Variants in PPP2R2B observed in about 807,000 individuals in gnomAD.
PPP2R2B encodes the protein protein phosphatase 2 regulatory subunit Bbeta.
In PPP2R2B, 5 loss-of-function variants were observed where a neutral mutation model predicts 46.0. The observed-to-expected ratio is 0.11, with a 90% CI of 0.06 to 0.23. The LOEUF (loss-of-function observed/expected upper bound fraction) is 0.23. PPP2R2B is among the 10% of genes least tolerant of loss of function. The pLI is 1.00. For synonymous variants in PPP2R2B, 215 were observed against 206.7 expected, an observed-to-expected ratio of 1.04 and a Z score of -0.34; for missense variants, 367 against 575.0, an observed-to-expected ratio of 0.64 and a Z score of 3.70.
intron 7 of PPP2R2B, among the ~76,000 whole-genome samples, chr5:146,627,832 T>G (rs1047837235): frequency 6.6e-6 from 1 of 152,180 alleles, no homozygotes; most frequent in Non-Finnish European, 1.5e-5. Flanking sequence ...CACCCACCTT[T>G]GGAGGACAAT....
chr5:146,652,186 A>G (rs953361532), intron 5 of PPP2R2B, among the ~76,000 whole-genome samples: 2 of 152,206 alleles, frequency 1.3e-5, no homozygotes, highest in Admixed American at 6.5e-5. Flanking sequence ...CCACTAACCA[A>G]TAGGCTATGA....
intron 1 of PPP2R2B, among the ~76,000 whole-genome samples, chr5:147,001,108 G>A (rs1441571661): frequency 1.3e-5 from 2 of 152,136 alleles, no homozygotes; most frequent in Non-Finnish European, 2.9e-5. Context: ...AGACCAATCA[G>A]CACTCTGTAA....
chr5:146,619,325 CA>C (rs1773482772), intron 7 of PPP2R2B, among the ~76,000 whole-genome samples: 2 of 139,612 alleles, frequency 1.4e-5, no homozygotes, highest in African/African-American at 2.8e-5. Flanking sequence ...AAAAAAAATA[CA>C]AACATTAGCT....
At chr5:146,808,891 A>G (rs1757352913) in intron 2 of PPP2R2B, among the ~76,000 whole-genome samples, 1 of 151,960 alleles carries the variant, frequency 6.6e-6, no homozygotes, top group Non-Finnish European at 1.5e-5. Flanking sequence ...GCAGGTTTCT[A>G]ATACCATTTT....
At chr5:147,055,900 G>A in exon 1 of PPP2R2B, 5 of 1,439,358 alleles carry the variant, frequency 3.5e-6, no homozygotes, top group South Asian at 1.5e-5. Context: ...CTGGAGATGG[G>A]TCCCATTTTG....
chr5:146,816,315 AC>A (rs1212163171), intron 2 of PPP2R2B, among the ~76,000 whole-genome samples: 5 of 152,080 alleles, frequency 3.3e-5, no homozygotes, highest in Non-Finnish European at 7.4e-5. Context: ...TAGGAGGATG[AC>A]TTGAGCCCAG....
chr5:146,942,979 A>G (rs1342097795), intron 1 of PPP2R2B, among the ~76,000 whole-genome samples: 2 of 151,988 alleles, frequency 1.3e-5, no homozygotes, highest in African/African-American at 4.8e-5. Context: ...TTTTGTACTT[A>G]GTAGAGACAG....
At chr5:146,983,740 A>C (rs996794316) in intron 1 of PPP2R2B, among the ~76,000 whole-genome samples, 7 of 152,140 alleles carry the variant, frequency 4.6e-5, no homozygotes, top group African/African-American at 1.4e-4. Flanking sequence ...ACACAACAGA[A>C]AAAAGAAAAT....
chr5:146,748,616 G>A (rs1169595240), intron 2 of PPP2R2B, among the ~76,000 whole-genome samples: 1 of 152,178 alleles, frequency 6.6e-6, no homozygotes, highest in Non-Finnish European at 1.5e-5. Context: ...TTAAGAAGAG[G>A]TACATCCAGT....
chr5:147,019,381 G>T (rs1755154973), intron 1 of PPP2R2B, among the ~76,000 whole-genome samples: 1 of 152,238 alleles, frequency 6.6e-6, no homozygotes, highest in Non-Finnish European at 1.5e-5. Flanking sequence ...CAAAACAGAA[G>T]AAAGTTAATA....
In PPP2R2B at chr5:146,592,960, G is replaced by T; in HGVS notation, c.1052+11C>A. Reference sequence around the variant, plus strand: ...CTTTGGAAGGTTCTTCAGCCACAGAGCCTTTCTTACCTGTCTGACCCATTC... The same window carrying T: ...CTTTGGAAGGTTCTTCAGCCACAGATCCTTTCTTACCTGTCTGACCCATTC... On this transcript the variant is annotated intron_variant, in intron 9 of 9. Coordinates refer to ENST00000394411, the MANE Select transcript of PPP2R2B (RefSeq NM_181675.4). 1 of 1,595,214 alleles carries T rather than the reference G, an allele frequency of 6.3e-7. No individual in the cohort carries two copies. The highest frequency in any genetic ancestry group is 8.6e-7 in the Non-Finnish European group (1 of 1,162,870).
At chr5:146,860,284 T>C (rs1760907490) in intron 2 of PPP2R2B, among the ~76,000 whole-genome samples, 1 of 152,204 alleles carries the variant, frequency 6.6e-6, no homozygotes, top group Admixed American at 6.5e-5. Flanking sequence ...TCTTTCAAGT[T>C]GCTAGTTGTG....
chr5:146,981,017 A>G (rs1444391685), intron 1 of PPP2R2B, among the ~76,000 whole-genome samples: 1 of 152,168 alleles, frequency 6.6e-6, no homozygotes, highest in Non-Finnish European at 1.5e-5. Flanking sequence ...TCTAGAAAGG[A>G]CTCAGTGAAA....
intron 1 of PPP2R2B, among the ~76,000 whole-genome samples, chr5:147,006,127 C>A (rs188558583): frequency 2.0e-5 from 3 of 152,106 alleles, no homozygotes; most frequent in Non-Finnish European, 4.4e-5. Context: ...CAGGATAGGA[C>A]GATGGATGGT....
intron 1 of PPP2R2B, among the ~76,000 whole-genome samples, chr5:146,910,242 A>G (rs567527754): frequency 1.7e-4 from 26 of 152,324 alleles, no homozygotes; most frequent in Admixed American, 5.2e-4. Context: ...GTTCATTTAG[A>G]ATTTCAAAAA....
At chr5:147,022,237 C>A (rs756083581) in intron 1 of PPP2R2B, among the ~76,000 whole-genome samples, 11 of 151,776 alleles carry the variant, frequency 7.2e-5, no homozygotes, top group African/African-American at 1.5e-4. Flanking sequence ...AAAGCGTGGG[C>A]AGAAAAAATA....
At chr5:146,878,924 G>C, upstream of PPP2R2B, 2 of 1,143,112 alleles carry the variant, frequency 1.7e-6, no homozygotes, top group Non-Finnish European at 2.2e-6. The surrounding 1 kb of genome is among the most constrained non-coding windows in gnomAD (Gnocchi z 4.5). Context: ...GGCAGCAAGC[G>C]ACTAGCTTGC....
chr5:147,027,633 T>TC (rs1554086637), intron 1 of PPP2R2B, among the ~76,000 whole-genome samples: 4 of 40,064 alleles, frequency 1.0e-4, no homozygotes, highest in African/African-American at 5.0e-4. Flanking sequence ...AGACTCGGTC[T>TC]CAAAAAAAAA....
chr5:146,828,966 G>C (rs1035884529), intron 2 of PPP2R2B, among the ~76,000 whole-genome samples: 2 of 152,168 alleles, frequency 1.3e-5, no homozygotes, highest in African/African-American at 2.4e-5. Context: ...ATACAGGACA[G>C]CCTTCCGAAT....
Sources: allele counts gnomAD v4.1 joint callset (sites outside exome capture counted in the v4.1 genomes callset), GRCh38; gene constraint gnomAD v4.1.1; non-coding constraint Gnocchi (gnomAD v3.1); transcripts MANE v1.5; gene names NCBI Gene and HGNC (gene_info 2026-07-23, HGNC 2026-07-21).